PRKAB1: variants seen among roughly 807,000 people sequenced by gnomAD.
The protein encoded by PRKAB1 is 5'-AMP-activated protein kinase subunit beta-1.
PRKAB1 carries 18 observed loss-of-function variants against 32.0 expected under a neutral mutation model. That is an observed-to-expected ratio of 0.56 (90% CI 0.39 to 0.83). PRKAB1 has a LOEUF of 0.83. Ranked by LOEUF, PRKAB1 falls within the 40% of genes least tolerant of loss-of-function variation. The probability of loss-of-function intolerance (pLI) is 0.00; values close to 1 mark genes in which losing one functional copy is unlikely to be tolerated. For missense variants in PRKAB1, 263 were observed against 352.6 expected, an observed-to-expected ratio of 0.75 and a Z score of 2.03; for synonymous variants, 141 against 141.4, an observed-to-expected ratio of 1.00 and a Z score of 0.02.
In PRKAB1 at chr12:119,680,292, G is replaced by A; in HGVS notation, c.780G>A (p.Lys260=). ...GCGCAACCCACCGGTACAAGAAGAA[G>A]TACGTCACCACCTTGTTATACAAGC... is the stretch of plus-strand genomic sequence containing the variant. ...VLSATHRYKK[K]YVTTLLYKPI is the part of the protein sequence containing the mutation. Residue 260 remains lysine (K), a synonymous_variant, in exon 7 of 7, where the codon AAG becomes AAA. Coordinates refer to ENST00000229328, the MANE Select transcript of PRKAB1 (RefSeq NM_006253.5). 1 of 1,614,172 alleles carries A rather than the reference G, an allele frequency of 6.2e-7. No individual in the cohort carries two copies. The highest frequency in any genetic ancestry group is 8.5e-7 in the Non-Finnish European group (1 of 1,180,028).
rs150980218 is a variant in PRKAB1, at chr12:119,680,327, G to A, written c.*2G>A. 1.2e-6 allele frequency: 2 copies of A among 1,613,700 alleles called. No homozygotes were observed. The highest frequency in any genetic ancestry group is 2.2e-5 in the East Asian group (1 of 44,874). ...ACCTTGTTATACAAGCCCATATGAA[G>A]AGCTGGGGGCGGATGGTGGCCCAGG... On this transcript the variant is annotated 3_prime_UTR_variant, in exon 7 of 7. Coordinates refer to ENST00000229328, the MANE Select transcript of PRKAB1 (RefSeq NM_006253.5).
At chr12:119,669,714 C>A (rs932155001) in intron 1 of PRKAB1, 1 of 152,310 alleles carries the variant, frequency 6.6e-6, no homozygotes, top group Non-Finnish European at 1.5e-5. Flanking sequence ...GCTGGGACTA[C>A]AGGCGTGTGC....
At position 119,668,142 on chromosome 12, in the gene PRKAB1, C is replaced by A. The variant is rs1237020500; in HGVS notation, c.-103C>A. Reference sequence around the variant, plus strand: ...GGTGTCCTGGTGCTCCGACTCCTTCCGCAGGCTCCTTGGGACCCGCGGTTC... The same window carrying A: ...GGTGTCCTGGTGCTCCGACTCCTTCAGCAGGCTCCTTGGGACCCGCGGTTC... On this transcript the variant is annotated 5_prime_UTR_variant, in exon 1 of 7. Transcript: ENST00000229328. 9 of 1,328,406 alleles carry A rather than the reference C, an allele frequency of 6.8e-6. No individual in the cohort carries two copies. The highest frequency in any genetic ancestry group is 8.8e-6 in the Non-Finnish European group (9 of 1,021,624). The allele number at this position is 1,328,406 out of a possible 1,614,324, so 82.3% of individuals were successfully genotyped here. A position where few individuals can be genotyped will look rare whatever the true frequency, so the allele number is the denominator to read the frequency against.
chr12:119,671,923 CTG>C (rs1955391369), intron 1 of PRKAB1, among the ~76,000 whole-genome samples: 1 of 152,214 alleles, frequency 6.6e-6, no homozygotes, highest in African/African-American at 2.4e-5. Context: ...ATGCACATGA[CTG>C]TACTTCAAAT....
Position 119,672,336 on chromosome 12 carries a change from T to C in PRKAB1, c.195T>C (p.His65=). 6.2e-7 allele frequency: 1 copy of C among 1,610,816 alleles called. No homozygotes were observed. The highest frequency in any genetic ancestry group is 8.5e-7 in the Non-Finnish European group (1 of 1,178,584). Residue 65 remains histidine, a synonymous_variant, in exon 2 of 7, where the codon CAT becomes CAC. Coordinates refer to ENST00000229328, the MANE Select transcript of PRKAB1 (RefSeq NM_006253.5). ...AGGAGGAATTCCTGGCCTGGCAGCA[T>C]GATCTGGAAGTGAATGATAAAGCTC... ...PEKEEFLAWQ[H]DLEVNDKAPA...
chr12:119,677,771 T>TG (rs1310727026), intron 5 of PRKAB1: 3 of 146,764 alleles, frequency 2.0e-5, no homozygotes, highest in South Asian at 2.3e-4. Flanking sequence ...GTTTTTTTTT[T>TG]TTTTTTTTTT....
chr12:119,668,009 G>T, upstream of PRKAB1: 1 of 512,416 alleles, frequency 2.0e-6, no homozygotes, highest in South Asian at 3.0e-5. Context: ...GTTTATCTTC[G>T]CGCCCCTTGC....
Position 119,674,508 on chromosome 12 carries a change from T to A in PRKAB1, c.532+54T>A. The A allele has an allele frequency of 7.6e-7, 1 of 1,310,892 alleles. No individual in the cohort carries two copies. The highest frequency in any genetic ancestry group is 1.1e-6 in the Non-Finnish European group (1 of 921,906). The allele number at this position is 1,310,892 out of a possible 1,614,324, so 81.2% of individuals were successfully genotyped here. A position where few individuals can be genotyped will look rare whatever the true frequency, so the allele number is the denominator to read the frequency against. On this transcript the variant is annotated intron_variant, in intron 4 of 6. Coordinates refer to ENST00000229328, the MANE Select transcript of PRKAB1 (RefSeq NM_006253.5). This position sits in a 1 kb window ranked among gnomAD's most constrained non-coding sequence, Gnocchi z 4.3. Reference sequence around the variant, plus strand: ...GCGTGCAGGTGGGGGCTGTACAGTCTAGACATACTCTTGTTTCTCTTGCCT... The same window carrying A: ...GCGTGCAGGTGGGGGCTGTACAGTCAAGACATACTCTTGTTTCTCTTGCCT...
intron 2 of PRKAB1, 130 bp downstream of exon 2, chr12:119,672,594 A>G (rs1165809910): frequency 4.9e-6 from 5 of 1,028,012 alleles, no homozygotes; most frequent in Non-Finnish European, 6.7e-6. Flanking sequence ...AATTTTGCTT[A>G]ATAAGTCTTA....
chr12:119,673,898 G>A, intron 2 of PRKAB1, 66 bp from the exon 3 acceptor site: 1 of 1,349,448 alleles, frequency 7.4e-7, no homozygotes, highest in South Asian at 1.3e-5. Context: ...TCTGTAGCTG[G>A]TTTGGCAAGT....
chr12:119,675,266 C>T (rs192041536), intron 4 of PRKAB1, among the ~76,000 whole-genome samples: 1 of 152,334 alleles, frequency 6.6e-6, no homozygotes, highest in East Asian at 1.9e-4. Flanking sequence ...GAGAGTTCTT[C>T]ATCATTGTCT....
Position 119,681,357 on chromosome 12 carries a change from T to C in PRKAB1, c.*1032T>C, listed in dbSNP as rs1955462642. 2 of 152,346 alleles carry C rather than the reference T, an allele frequency of 1.3e-5. No individual in the cohort carries two copies. Among genetic ancestry groups the C allele is most frequent in the South Asian group, 4.1e-4 (2 of 4,822 alleles). The allele number at this position is 152,346 out of a possible 1,614,324, so 9.4% of individuals were successfully genotyped here. On this transcript the variant is annotated 3_prime_UTR_variant, in exon 7 of 7. Transcript: ENST00000229328. ...CTGAGTCTGGGTCAGGAAGATGTCC[T>C]TTGGACCAAAGCAGACTTCTTTATA...
intron 2 of PRKAB1, among the ~76,000 whole-genome samples, chr12:119,672,709 TC>T (rs1362103026): frequency 3.9e-5 from 6 of 152,320 alleles, no homozygotes; most frequent in Non-Finnish European, 5.9e-5. Context: ...AGCTATCTGT[TC>T]GGTCAGGACT....
At chr12:119,673,263 G>A (rs993559371) in intron 2 of PRKAB1, among the ~76,000 whole-genome samples, 1 of 152,320 alleles carries the variant, frequency 6.6e-6, no homozygotes, top group African/African-American at 2.4e-5. Flanking sequence ...CTATGTAGGT[G>A]TCATTAGCAA....
chr12:119,667,985 T>G, upstream of PRKAB1: 2 of 472,822 alleles, frequency 4.2e-6, no homozygotes, highest in Non-Finnish European at 7.4e-6. Flanking sequence ...GGTGAAGCGG[T>G]TGGGAAAGTG....
Position 119,679,641 on chromosome 12 carries a change from C to T in PRKAB1, c.667-292C>T. 1 of 424,590 alleles carries T rather than the reference C, an allele frequency of 2.4e-6. No homozygotes were observed. The highest frequency in any genetic ancestry group is 2.2e-5 in the South Asian group (1 of 44,850). The allele number at this position is 424,590 out of a possible 1,614,324, so 26.3% of individuals were successfully genotyped here. On this transcript the variant is annotated intron_variant, in intron 5 of 6. Transcript: ENST00000229328. This position sits in a 1 kb window ranked among gnomAD's most constrained non-coding sequence, Gnocchi z 4.1. The stretch of plus-strand genomic sequence containing the variant: ...AATAGCTGCTTTCTTCCTGCCCCAC[C>T]CTCCATAAGAGGACAGGGCCGTGGC...
chr12:119,676,787 G>A (rs1955429475), intron 5 of PRKAB1, 117 bp downstream of exon 5: 1 of 1,355,246 alleles, frequency 7.4e-7, no homozygotes, highest in Non-Finnish European at 1.0e-6. Context: ...ACCCCCTAGT[G>A]TGAACTGTGC....
At chr12:119,677,016 C>G (rs1210799010) in intron 5 of PRKAB1, among the ~76,000 whole-genome samples, 1 of 152,230 alleles carries the variant, frequency 6.6e-6, no homozygotes, top group East Asian at 1.9e-4. Context: ...TAGTTTTAAT[C>G]ATTCAATTGC....
Position 119,674,518 on chromosome 12 carries a change from C to T in PRKAB1, c.532+64C>T. On this transcript the variant is annotated intron_variant, in intron 4 of 6. Transcript: ENST00000229328. The surrounding 1 kb of genome is among the most constrained non-coding windows in gnomAD (Gnocchi z 4.3). Reference sequence around the variant, plus strand: ...GGGGGCTGTACAGTCTAGACATACTCTTGTTTCTCTTGCCTCTCTTGAGCT... The same window carrying T: ...GGGGGCTGTACAGTCTAGACATACTTTTGTTTCTCTTGCCTCTCTTGAGCT... 8.4e-7 allele frequency: 1 copy of T among 1,187,622 alleles called. No homozygotes were observed. The highest frequency in any genetic ancestry group is 2.5e-5 in the East Asian group (1 of 40,136). The allele number at this position is 1,187,622 out of a possible 1,614,324, so 73.6% of individuals were successfully genotyped here. A position where few individuals can be genotyped will look rare whatever the true frequency, so the allele number is the denominator to read the frequency against.
Sources: gnomAD v4.1 joint callset for allele counts (sites outside exome capture counted in the v4.1 genomes callset) on GRCh38, gnomAD v4.1.1 for gene constraint, Gnocchi (gnomAD v3.1) non-coding constraint, MANE v1.5 for transcripts, NCBI Gene and HGNC (gene_info 2026-07-23, HGNC 2026-07-21) for gene names.